PAQR6: variants seen among roughly 807,000 people sequenced by gnomAD.
PAQR6 encodes membrane progestin receptor delta.
In PAQR6, 34 loss-of-function variants were observed where a neutral mutation model predicts 36.2. The ratio of observed to expected loss-of-function variants is 0.94; its 90% confidence interval spans 0.71 to 1.25. PAQR6 has a LOEUF of 1.25. PAQR6 is among the 50% of genes most tolerant of loss of function. The probability of loss-of-function intolerance (pLI) is 0.00; values close to 1 mark genes in which losing one functional copy is unlikely to be tolerated. For missense variants in PAQR6, 431 were observed against 445.7 expected (o/e 0.97, Z 0.30); for synonymous variants, 190 against 190.7 (o/e 1.00, Z 0.03).
chr1:156,246,326 G>A, intron 2 of PAQR6, 76 bp from the exon 3 acceptor site: 1 of 1,359,632 alleles, frequency 7.4e-7, no homozygotes, highest in Non-Finnish European at 1.0e-6. Flanking sequence ...CTGGAAGCAG[G>A]GTCAAAGAGG....
chr1:156,246,704 G>T lies in PAQR6; in HGVS notation c.28C>A (p.Leu10Ile), dbSNP rs1558219578. 2 of 1,613,952 alleles carry T rather than the reference G, an allele frequency of 1.2e-6. No homozygotes were observed. The highest frequency in any genetic ancestry group is 8.5e-7 in the Non-Finnish European group (1 of 1,179,946). MLSLKLPQLLQVHQVPRVFW... is the reference protein window; with the variant it reads MLSLKLPQLIQVHQVPRVFW... ...ACCCGGGGGACCTGGTGGACTTGAAGAAGTTGGGGCAGCTTGAGACTGAGC... is the reference window on the plus strand; with the variant it reads ...ACCCGGGGGACCTGGTGGACTTGAATAAGTTGGGGCAGCTTGAGACTGAGC... Residue 10 changes from leucine to isoleucine, a missense_variant, in exon 2 of 8, where the codon CTT (leucine) becomes ATT (isoleucine). Physicochemically the swap from Leu to Ile is conservative, Grantham distance 5. Coordinates refer to ENST00000292291, the MANE Select transcript of PAQR6 (RefSeq NM_198406.3).
rs1388610375 is a variant in PAQR6 at position 156,246,000 on chromosome 1, C to A, written c.180-13G>T. The A allele has an allele frequency of 3.8e-6, 6 of 1,558,940 alleles. No homozygotes were observed. The highest frequency in any genetic ancestry group is 1.9e-4 in the Middle Eastern group (1 of 5,154). ...CCACAGGAAGTACCTGCGGCGGGCG[C>A]GTGCTCAGGCCGCCGCGGACCCCCG... On this transcript the variant is annotated splice_polypyrimidine_tract_variant and intron_variant, in intron 3 of 7. Coordinates refer to ENST00000292291, the MANE Select transcript of PAQR6 (RefSeq NM_198406.3).
Position 156,244,650 on chromosome 1 carries a change from T to G in PAQR6, c.760+111A>C, listed in dbSNP as rs765006784. ...TATAGGAAGACAGGGAAGTCCCTCC[T>G]ATAATTTGCCTCCATCCTGGGGCTG... On this transcript the variant is annotated intron_variant, in intron 7 of 7. Coordinates refer to ENST00000292291, the MANE Select transcript of PAQR6 (RefSeq NM_198406.3). 21 of 1,578,404 alleles carry G rather than the reference T, an allele frequency of 1.3e-5. No individual in the cohort carries two copies. The Admixed American group carries it at 3.3e-4, about 25-fold the overall frequency.
rs145524234 is a variant in PAQR6, at chr1:156,245,992, G to A, written c.180-5C>T. ...AGGAGCCGCCACAGGAAGTACCTGC[G>A]GCGGGCGCGTGCTCAGGCCGCCGCG... On this transcript the variant is annotated splice_region_variant and splice_polypyrimidine_tract_variant and intron_variant, in intron 3 of 7. Transcript: ENST00000292291. 6,055 of 1,555,798 alleles carry A rather than the reference G, an allele frequency of 3.9e-3. 16 individuals are homozygous for A. The highest frequency in any genetic ancestry group is 7.7e-3 in the Middle Eastern group (39 of 5,090).
chr1:156,243,845 GAA>G lies in PAQR6; in HGVS notation c.*282_*283del, dbSNP rs1289597663. The G allele has an allele frequency of 1.9e-6, 3 of 1,572,030 alleles. No individual in the cohort carries two copies. In the South Asian group the frequency reaches 3.5e-5, roughly 18 times the overall value. On this transcript the variant is annotated 3_prime_UTR_variant, in exon 8 of 8. Transcript: ENST00000292291. The stretch of plus-strand genomic sequence containing the variant: ...CACCTCCCCCCGCCAACCTTTGACA[GAA>G]TATAGGGGCATCTTCAGCCTGGACA...
chr1:156,246,214 G>A lies in PAQR6; in HGVS notation c.88C>T (p.Arg30Cys), dbSNP rs200440673. Residue 30 changes from arginine (R) to cysteine (C), a missense_variant, in exon 3 of 8, where the codon CGC becomes TGC. Arg to Cys is a radical substitution (Grantham distance 180). Transcript: ENST00000292291. ...WEDGIMSGYR[R>C]PTSSALDCVL... is the part of the protein sequence containing the mutation. Reference sequence around the variant, plus strand: ...CAGTCCAAAGCCGAGCTGGTGGGGCGGCGGTAGCCAGACATGATGCCATCT... The same window carrying A: ...CAGTCCAAAGCCGAGCTGGTGGGGCAGCGGTAGCCAGACATGATGCCATCT... 2.0e-4 allele frequency: 326 copies of A among 1,613,696 alleles called. No homozygotes were observed. The highest frequency in any genetic ancestry group is 2.6e-4 in the Non-Finnish European group (303 of 1,179,966).
chr1:156,244,835 C>G lies in PAQR6; in HGVS notation c.686G>C (p.Cys229Ser). 6.2e-7 allele frequency: 1 copy of G among 1,613,554 alleles called. No individual in the cohort carries two copies. Among genetic ancestry groups the G allele is most frequent in the Admixed American group, 1.7e-5 (1 of 60,030 alleles). The stretch of plus-strand genomic sequence containing the variant: ...GAAGAGGAAGCCAGTGAGCAGCGCG[C>G]AGAAGAGATGGTAGCCATGGCTGGT... ...LSTSHGYHLFCALLTGFLFAS... is the reference protein window; with the variant it reads ...LSTSHGYHLFSALLTGFLFAS... The change falls in exon 7 of 8, where the codon TGC (cysteine) becomes TCC (serine). Residue 229 changes from cysteine (C) to serine (S), a missense_variant. Physicochemically the swap from Cys to Ser is moderately radical, Grantham distance 112 (BLOSUM62 -1). Coordinates refer to ENST00000292291, the MANE Select transcript of PAQR6 (RefSeq NM_198406.3).
rs963537251 is a variant in PAQR6 at position 156,247,989 on chromosome 1, G to T, written c.-58C>A. The T allele has an allele frequency of 4.3e-6, 2 of 464,442 alleles. No homozygotes were observed. Among genetic ancestry groups the T allele is most frequent in the African/African-American group, 4.0e-5 (2 of 49,964 alleles). The allele number at this position is 464,442 out of a possible 1,614,324, so 28.8% of individuals were successfully genotyped here. ...TTGGTGGGTGCTCCTAAGCTGGTGG[G>T]TCAACAGGCCCAGGGCTCCACGGGC... is the stretch of plus-strand genomic sequence containing the variant. On this transcript the variant is annotated 5_prime_UTR_variant, in exon 1 of 8. Transcript: ENST00000292291.
chr1:156,247,778 G>A, intron 1 of PAQR6, 179 bp downstream of exon 1: 1 of 288,372 alleles, frequency 3.5e-6, no homozygotes. Flanking sequence ...CTATCTGGGG[G>A]AGGAGTGAGG....
chr1:156,246,996 C>T (rs1284017007), intron 1 of PAQR6, among the ~76,000 whole-genome samples: 2 of 152,172 alleles, frequency 1.3e-5, no homozygotes, highest in African/African-American at 2.4e-5. Flanking sequence ...TTGGCGGCCT[C>T]AGCCCAGCAA....
In PAQR6 at chr1:156,246,772, G is replaced by A. The variant is rs748272078; in HGVS notation, c.-25-16C>T. ...CCACGTTGACCTAGAGACAGAGTGG[G>A]AGGTAGGGGATCAGATAACTGCCCC... On this transcript the variant is annotated splice_polypyrimidine_tract_variant and intron_variant, in intron 1 of 7. Transcript: ENST00000292291. 2 of 1,602,100 alleles carry A rather than the reference G, an allele frequency of 1.2e-6. No homozygotes were observed. The highest frequency in any genetic ancestry group is 2.2e-5 in the South Asian group (2 of 89,848).
rs1324732004 is a variant in PAQR6 at position 156,244,087 on chromosome 1, C to A, written c.*42G>T. Reference sequence around the variant, plus strand: ...TCTGGGCTCCTCGTCAGCACTGGGGCCTGGCCTCTGCCCCCTCCAGGACAG... The same window carrying A: ...TCTGGGCTCCTCGTCAGCACTGGGGACTGGCCTCTGCCCCCTCCAGGACAG... On this transcript the variant is annotated 3_prime_UTR_variant, in exon 8 of 8. Coordinates refer to ENST00000292291, the MANE Select transcript of PAQR6 (RefSeq NM_198406.3). 6.2e-7 allele frequency: 1 copy of A among 1,611,700 alleles called. No homozygotes were observed. Among genetic ancestry groups the A allele is most frequent in the Non-Finnish European group, 8.5e-7 (1 of 1,178,242 alleles).
In PAQR6 at chr1:156,246,228, A is replaced by G; in HGVS notation, c.74T>C (p.Met25Thr). The change falls in exon 3 of 8, where the codon ATG (methionine) becomes ACG (threonine). Residue 25 changes from methionine to threonine, a missense_variant. Coordinates refer to ENST00000292291, the MANE Select transcript of PAQR6 (RefSeq NM_198406.3). ...VPRVFWEDGIMSGYRRPTSSA... is the reference protein window; with the variant it reads ...VPRVFWEDGITSGYRRPTSSA... ...GCTGGTGGGGCGGCGGTAGCCAGAC[A>G]TGATGCCATCTTCCCAGAACACCTA... The G allele has an allele frequency of 6.2e-7, 1 of 1,613,522 alleles. No individual in the cohort carries two copies. Among genetic ancestry groups the G allele is most frequent in the Non-Finnish European group, 8.5e-7 (1 of 1,179,854 alleles).
chr1:156,246,084 G>T, intron 3 of PAQR6, 39 bp downstream of exon 3: 1 of 1,606,708 alleles, frequency 6.2e-7, no homozygotes, highest in African/African-American at 1.3e-5. Context: ...TACCCCCTCT[G>T]AGCTCAAGGC....
intron 5 of PAQR6, 75 bp from the exon 6 acceptor site, chr1:156,245,313 G>A (rs1020021265): frequency 6.9e-7 from 1 of 1,452,662 alleles, no homozygotes; most frequent in African/African-American, 1.4e-5. Flanking sequence ...AAGAGGACTT[G>A]GGCAAAGATG....
At chr1:156,246,880 CT>C in intron 1 of PAQR6, 124 bp from the exon 2 acceptor site, 1 of 779,638 alleles carries the variant, frequency 1.3e-6, no homozygotes, top group East Asian at 2.7e-5. Context: ...CCTCCTGGAG[CT>C]GCTTCCTTCA....
chr1:156,244,711 G>A, intron 7 of PAQR6, 50 bp downstream of exon 7: 1 of 1,613,402 alleles, frequency 6.2e-7, no homozygotes, highest in South Asian at 1.1e-5. Context: ...TGTGCTCTGG[G>A]AAGGCATCTG....
intron 6 of PAQR6, 90 bp downstream of exon 6, chr1:156,245,052 C>A: frequency 1.2e-6 from 2 of 1,601,676 alleles, no homozygotes; most frequent in Non-Finnish European, 1.7e-6. Context: ...TGGGCTGAGG[C>A]AGGGACTGAG....
chr1:156,243,523 C>A lies in PAQR6; in HGVS notation c.*606G>T. 1 of 471,206 alleles carries A rather than the reference C, an allele frequency of 2.1e-6. No individual in the cohort carries two copies. Among genetic ancestry groups the A allele is most frequent in the Non-Finnish European group, 3.8e-6 (1 of 265,716 alleles). 29.2% of individuals were successfully genotyped at this position (471,206 alleles called of 1,614,324 possible). On this transcript the variant is annotated 3_prime_UTR_variant, in exon 8 of 8. Coordinates refer to ENST00000292291, the MANE Select transcript of PAQR6 (RefSeq NM_198406.3). ...ATACCCCCTCTAGCCTAGGACCCTCCTCCCCACACCTCAATCCACCAAACC... is the reference window on the plus strand; with the variant it reads ...ATACCCCCTCTAGCCTAGGACCCTCATCCCCACACCTCAATCCACCAAACC...
Sources: gnomAD v4.1 joint callset for allele counts (sites outside exome capture counted in the v4.1 genomes callset) on GRCh38, gnomAD v4.1.1 for gene constraint, MANE v1.5 for transcripts, NCBI Gene and HGNC (gene_info 2026-07-23, HGNC 2026-07-21) for gene names.